ST6GALNAC5: variants seen among roughly 807,000 people sequenced by gnomAD.
ST6GALNAC5 encodes the protein ST6 N-acetylgalactosaminide alpha-2,6-sialyltransferase 5.
ST6GALNAC5 carries 27 observed loss-of-function variants against 33.6 expected under a neutral mutation model. That is an observed-to-expected ratio of 0.80 (90% CI 0.59 to 1.11). The LOEUF (loss-of-function observed/expected upper bound fraction) is 1.11. Among genes scored for constraint, ST6GALNAC5 ranks in the 50% least tolerant of loss-of-function variants. The pLI, the probability that ST6GALNAC5 is intolerant of heterozygous loss-of-function variation, is 0.00. For missense variants in ST6GALNAC5, 428 were observed against 454.0 expected, an observed-to-expected ratio of 0.94 and a Z score of 0.52; for synonymous variants, 194 against 171.2, an observed-to-expected ratio of 1.13 and a Z score of -1.04.
Position 76,868,809 on chromosome 1 carries a change from C to CT in ST6GALNAC5, c.261+70dup, listed in dbSNP as rs1180553288. On this transcript the variant is annotated intron_variant, in intron 2 of 4. Transcript: ENST00000477717. The surrounding 1 kb of genome is among the most constrained non-coding windows in gnomAD (Gnocchi z 4.3). Reference sequence around the variant, plus strand: ...GATCCCGCACACCTGAGCCTTCCCCCTTTCCCGGGGCTGGGAGGCGCTGTG... The same window carrying CT: ...GATCCCGCACACCTGAGCCTTCCCCCTTTTCCCGGGGCTGGGAGGCGCTGTG... The CT allele has an allele frequency of 6.3e-6, 9 of 1,432,436 alleles. No homozygotes were observed. The African/African-American group carries it at 1.2e-4, about 19-fold the overall frequency. The allele number at this position is 1,432,436 out of a possible 1,614,324, so 88.7% of individuals were successfully genotyped here.
At chr1:77,013,198 G>A (rs544657392) in intron 2 of ST6GALNAC5, among the ~76,000 whole-genome samples, 2 of 152,080 alleles carry the variant, frequency 1.3e-5, no homozygotes, top group East Asian at 1.9e-4. Flanking sequence ...TCCACACCCA[G>A]CTCTACAACC....
chr1:76,889,319 G>C (rs1405871095), intron 2 of ST6GALNAC5, among the ~76,000 whole-genome samples: 1 of 151,974 alleles, frequency 6.6e-6, no homozygotes, highest in African/African-American at 2.4e-5. Context: ...TATTGTGGTT[G>C]TTTCAGATAG....
intron 2 of ST6GALNAC5, among the ~76,000 whole-genome samples, chr1:76,958,950 G>A (rs767098306): frequency 2.6e-5 from 4 of 151,992 alleles, no homozygotes; most frequent in Non-Finnish European, 4.4e-5. Context: ...TTTTCTTACC[G>A]GGAATGATTT....
At chr1:77,004,291 T>C (rs1230365389) in intron 2 of ST6GALNAC5, among the ~76,000 whole-genome samples, 3 of 148,700 alleles carry the variant, frequency 2.0e-5, no homozygotes, top group Non-Finnish European at 3.0e-5. Flanking sequence ...CATCAGCTCC[T>C]GAGGCTTCTG....
chr1:77,040,380 A>G (rs1246315264), intron 2 of ST6GALNAC5, among the ~76,000 whole-genome samples: 1 of 152,234 alleles, frequency 6.6e-6, no homozygotes, highest in East Asian at 1.9e-4. Flanking sequence ...AACGAGTGTT[A>G]GTGTCTGACA....
chr1:76,941,569 A>T (rs1474527833), intron 2 of ST6GALNAC5, among the ~76,000 whole-genome samples: 1 of 152,078 alleles, frequency 6.6e-6, no homozygotes, highest in Non-Finnish European at 1.5e-5. Context: ...TTCAAATGAG[A>T]TTATCCTGGA....
chr1:76,915,752 G>A (rs1345246555), intron 2 of ST6GALNAC5, among the ~76,000 whole-genome samples: 2 of 151,624 alleles, frequency 1.3e-5, no homozygotes, highest in Non-Finnish European at 2.9e-5. Flanking sequence ...TAAATGACGA[G>A]TTAATGGGTG....
intron 2 of ST6GALNAC5, among the ~76,000 whole-genome samples, chr1:76,884,241 G>A (rs1015117825): frequency 1.3e-5 from 2 of 152,172 alleles, no homozygotes; most frequent in East Asian, 1.9e-4. Flanking sequence ...CAGAAGGTTT[G>A]TGGTTCAAGA....
intron 2 of ST6GALNAC5, among the ~76,000 whole-genome samples, chr1:77,029,194 C>G (rs1275571967): frequency 1.3e-5 from 2 of 152,170 alleles, no homozygotes; most frequent in Non-Finnish European, 2.9e-5. Flanking sequence ...CTCCTGCACT[C>G]TAGCCACTTA....
chr1:76,981,289 A>G lies in ST6GALNAC5; in HGVS notation c.262-62915A>G, dbSNP rs150945675. Among the ~76,000 whole-genome samples the G allele has an allele frequency of 2.2e-3, 331 of 152,252 alleles. 3 individuals are homozygous for G. Among genetic ancestry groups the G allele is most frequent in the African/African-American group, 7.4e-3 (307 of 41,554 alleles). On this transcript the variant is annotated intron_variant, in intron 2 of 4. Transcript: ENST00000477717. ...AAAAATGGGGCACTCCCACCCAAAT[A>G]CTGTGCTTTTCCCAAGGTCTTAGCA...
chr1:76,961,661 CT>C (rs1426282631), intron 2 of ST6GALNAC5, among the ~76,000 whole-genome samples: 1 of 152,176 alleles, frequency 6.6e-6, no homozygotes, highest in Non-Finnish European at 1.5e-5. Context: ...TTCCCACTCC[CT>C]TGAATGCAGC....
intron 2 of ST6GALNAC5, among the ~76,000 whole-genome samples, chr1:76,932,914 A>G (rs925560532): frequency 1.1e-4 from 16 of 152,048 alleles, no homozygotes; most frequent in East Asian, 3.9e-4. Context: ...TCTTCACTAG[A>G]CAGTGTATTG....
At chr1:76,936,686 G>A (rs1031452381) in intron 2 of ST6GALNAC5, among the ~76,000 whole-genome samples, 2 of 152,032 alleles carry the variant, frequency 1.3e-5, no homozygotes, top group East Asian at 1.9e-4. Flanking sequence ...AAGATAATAC[G>A]ATAGTGTTTG....
chr1:76,958,409 T>C (rs1648091450), intron 2 of ST6GALNAC5, among the ~76,000 whole-genome samples: 1 of 152,224 alleles, frequency 6.6e-6, no homozygotes, highest in Admixed American at 6.5e-5. Flanking sequence ...CCTGCTGAAA[T>C]GTTTTGACTC....
At chr1:77,040,316 TACTTCAG>T (rs1162045969) in intron 2 of ST6GALNAC5, among the ~76,000 whole-genome samples, 1 of 152,274 alleles carries the variant, frequency 6.6e-6, no homozygotes, top group African/African-American at 2.4e-5. Flanking sequence ...ACCTAAGGCA[TACTTCAG>T]ACTTCGATCT....
chr1:77,006,281 A>G (rs902807798), intron 2 of ST6GALNAC5, among the ~76,000 whole-genome samples: 5 of 150,742 alleles, frequency 3.3e-5, no homozygotes, highest in Non-Finnish European at 7.4e-5. Flanking sequence ...TAGCCTCCCA[A>G]GTAGCTGGGA....
chr1:76,997,361 G>A (rs1649978972), intron 2 of ST6GALNAC5, among the ~76,000 whole-genome samples: 1 of 152,076 alleles, frequency 6.6e-6, no homozygotes, highest in Non-Finnish European at 1.5e-5. Context: ...AGGTTGTGAG[G>A]GATTGAGAAG....
At chr1:76,899,116 G>T (rs910138529) in intron 2 of ST6GALNAC5, among the ~76,000 whole-genome samples, 5 of 152,174 alleles carry the variant, frequency 3.3e-5, no homozygotes, top group African/African-American at 1.2e-4. Context: ...CTGGCTATTT[G>T]GAACTACTGT....
rs534100239 is a variant in ST6GALNAC5, at chr1:77,027,375, G to T, written c.262-16829G>T. Among the ~76,000 whole-genome samples the T allele has an allele frequency of 1.4e-4, 21 of 152,270 alleles. No homozygotes were observed. The South Asian group carries it at 1.7e-3, about 12-fold the overall frequency. Reference sequence around the variant, plus strand: ...TGCTGGAAGTGCGAGCTTAAGAGGGGTGACCATTTATTGAGCGTTTACTGT... The same window carrying T: ...TGCTGGAAGTGCGAGCTTAAGAGGGTTGACCATTTATTGAGCGTTTACTGT... On this transcript the variant is annotated intron_variant, in intron 2 of 4. Coordinates refer to ENST00000477717, the MANE Select transcript of ST6GALNAC5 (RefSeq NM_030965.3).
Sources: allele counts gnomAD v4.1 joint callset (sites outside exome capture counted in the v4.1 genomes callset), GRCh38; gene constraint gnomAD v4.1.1; non-coding constraint Gnocchi (gnomAD v3.1); transcripts MANE v1.5; gene names NCBI Gene and HGNC (gene_info 2026-07-23, HGNC 2026-07-21).